Variants in STIM1 observed in about 807,000 individuals in gnomAD.
STIM1 encodes stromal interaction molecule 1.
Under a neutral mutation model 74.7 loss-of-function variants are expected in STIM1, and 25 were observed. The observed-to-expected ratio is 0.33, with a 90% CI of 0.24 to 0.47. The LOEUF (loss-of-function observed/expected upper bound fraction) is 0.47. Among genes scored for constraint, STIM1 ranks in the 20% least tolerant of loss-of-function variants. The pLI, the probability that STIM1 is intolerant of heterozygous loss-of-function variation, is 1.00. For missense variants in STIM1, 728 were observed against 920.8 expected, an observed-to-expected ratio of 0.79 and a Z score of 2.71; for synonymous variants, 328 against 348.8, an observed-to-expected ratio of 0.94 and a Z score of 0.66.
chr11:3,951,993 A>C (rs2093154777), intron 1 of STIM1, among the ~76,000 whole-genome samples: 1 of 152,158 alleles, frequency 6.6e-6, no homozygotes, highest in South Asian at 2.1e-4. Flanking sequence ...AACCTGGGAT[A>C]GCAAATCTTC....
chr11:4,069,580 G>A (rs2094390655), intron 5 of STIM1, among the ~76,000 whole-genome samples: 2 of 152,186 alleles, frequency 1.3e-5, no homozygotes, highest in Admixed American at 6.5e-5. Flanking sequence ...AGCCAGAACT[G>A]AGGCTTCTGG....
At chr11:3,951,792 G>A (rs1303283365) in intron 1 of STIM1, among the ~76,000 whole-genome samples, 1 of 152,180 alleles carries the variant, frequency 6.6e-6, no homozygotes, top group Non-Finnish European at 1.5e-5. Context: ...CATTTGAGGT[G>A]TCTGTAATTA....
At chr11:3,863,287 T>TCA (rs59819943) in intron 1 of STIM1, among the ~76,000 whole-genome samples, 149,115 of 149,822 alleles carry the variant, frequency 1, 74,205 homozygotes, top group East Asian at 1. Flanking sequence ...AGACAGGGTC[T>TCA]CTCTGTCACC....
intron 12 of STIM1, chr11:4,088,827 G>A (rs1236384375): frequency 5.9e-6 from 8 of 1,366,420 alleles, no homozygotes; most frequent in East Asian, 2.5e-5. Flanking sequence ...AGGGAGGGAA[G>A]GTGAGCCTGC....
chr11:3,874,599 C>T lies in STIM1; in HGVS notation c.139+18190C>T, dbSNP rs1317893361. Among the ~76,000 whole-genome samples the T allele has an allele frequency of 2.0e-5, 3 of 152,214 alleles. No individual in the cohort carries two copies. In the East Asian group the frequency reaches 5.8e-4, roughly 29 times the overall value. ...CATGTCCTCTTATCCTTTTAAGCCGCTAAGTTCTCATATCCAGAGAGTCTT... is the reference window on the plus strand; with the variant it reads ...CATGTCCTCTTATCCTTTTAAGCCGTTAAGTTCTCATATCCAGAGAGTCTT... On this transcript the variant is annotated intron_variant, in intron 1 of 12. Transcript: ENST00000526596.
intron 3 of STIM1, among the ~76,000 whole-genome samples, chr11:4,054,129 A>G (rs1404189787): frequency 6.6e-6 from 1 of 152,202 alleles, no homozygotes; most frequent in Non-Finnish European, 1.5e-5. Flanking sequence ...TGGACAGTGC[A>G]GCTCTGAATA....
chr11:3,957,335 C>A (rs1293003265), intron 1 of STIM1, among the ~76,000 whole-genome samples: 1 of 151,984 alleles, frequency 6.6e-6, no homozygotes, highest in Non-Finnish European at 1.5e-5. Flanking sequence ...TGGCTCACTG[C>A]AGCCTCTGCC....
At chr11:3,893,570 T>C (rs1463686446) in intron 1 of STIM1, among the ~76,000 whole-genome samples, 2 of 152,190 alleles carry the variant, frequency 1.3e-5, no homozygotes, top group African/African-American at 4.8e-5. Context: ...TCTACATGTT[T>C]ACTTCCACTT....
At chr11:4,078,215 A>G (rs2133203343) in intron 7 of STIM1, among the ~76,000 whole-genome samples, 1 of 152,346 alleles carries the variant, frequency 6.6e-6, no homozygotes, top group Non-Finnish European at 1.5e-5. Flanking sequence ...ATCAAGCTGC[A>G]TTTGAACTAG....
rs540559412 is a variant in STIM1, at chr11:3,981,975, TTC to T, written c.270+14305_270+14306del. ...TATTAGTTGTTTGACTTTGGAAAGT[TTC>T]TCTCTCTCTCTGTCTCTTTCTTTTC... On this transcript the variant is annotated intron_variant, in intron 2 of 12. Transcript: ENST00000526596. Among the ~76,000 whole-genome samples, 57 of 152,050 alleles carry T rather than the reference TTC, an allele frequency of 3.7e-4. 1 individual carries two copies. In the South Asian group the frequency reaches 0.011, roughly 29 times the overall value.
At chr11:3,938,218 A>G (rs774267240) in intron 1 of STIM1, among the ~76,000 whole-genome samples, 5 of 152,224 alleles carry the variant, frequency 3.3e-5, no homozygotes, top group East Asian at 1.9e-4. Flanking sequence ...GATTACAGGC[A>G]TGAGCCACCG....
At chr11:3,987,036 T>G (rs1229185008) in intron 2 of STIM1, among the ~76,000 whole-genome samples, 2 of 152,286 alleles carry the variant, frequency 1.3e-5, no homozygotes, top group African/African-American at 4.8e-5. Context: ...AGATTAGAAG[T>G]CTCTGGGAAG....
At chr11:4,000,974 G>T (rs1208992479) in intron 2 of STIM1, among the ~76,000 whole-genome samples, 1 of 152,212 alleles carries the variant, frequency 6.6e-6, no homozygotes, top group Non-Finnish European at 1.5e-5. Flanking sequence ...TCAACTGGAA[G>T]AAAGAGTATC....
At chr11:3,974,225 T>C in intron 2 of STIM1, 1 of 432,808 alleles carries the variant, frequency 2.3e-6, no homozygotes, top group Admixed American at 3.5e-5. Context: ...TAAGAGACTC[T>C]GTCTTAGACA....
At chr11:4,032,102 T>C (rs892120988) in intron 3 of STIM1, among the ~76,000 whole-genome samples, 23 of 152,272 alleles carry the variant, frequency 1.5e-4, no homozygotes, top group Admixed American at 1.2e-3. Flanking sequence ...GTGGTCCCAA[T>C]TGTTCTAGAA....
intron 7 of STIM1, among the ~76,000 whole-genome samples, chr11:4,076,793 G>C (rs1464549668): frequency 6.7e-6 from 1 of 148,648 alleles, no homozygotes; most frequent in East Asian, 2.0e-4. Flanking sequence ...TTGGGACATG[G>C]TTATCTAGTA....
intron 4 of STIM1, among the ~76,000 whole-genome samples, chr11:4,058,194 T>G (rs568164422): frequency 6.6e-6 from 1 of 152,330 alleles, no homozygotes; most frequent in East Asian, 1.9e-4. Context: ...TACATAAGTT[T>G]GCACAGTAGG....
rs2094528618 is a variant in STIM1 at position 4,092,147 on chromosome 11, T to A, written c.*349T>A. 8.1e-6 allele frequency: 3 copies of A among 369,504 alleles called. No homozygotes were observed. The highest frequency in any genetic ancestry group is 1.2e-4 in the East Asian group (2 of 16,274). 22.9% of individuals were successfully genotyped at this position (369,504 alleles called of 1,614,324 possible). A position where few individuals can be genotyped will look rare whatever the true frequency, so the allele number is the denominator to read the frequency against. The stretch of plus-strand genomic sequence containing the variant: ...CCCAGTTTTGAGGTTTGGTTTCTTG[T>A]TTCTGTCTCTTGCTTTCGGGCTCCT... On this transcript the variant is annotated 3_prime_UTR_variant, in exon 13 of 13. Coordinates refer to ENST00000526596, the MANE Select transcript of STIM1 (RefSeq NM_001382567.1).
chr11:3,869,229 A>T (rs1021832192), intron 1 of STIM1, among the ~76,000 whole-genome samples: 1 of 152,160 alleles, frequency 6.6e-6, no homozygotes, highest in Non-Finnish European at 1.5e-5. Context: ...TCCACTTCCC[A>T]AAGTGCTAGG....
Sources: allele counts gnomAD v4.1 joint callset (sites outside exome capture counted in the v4.1 genomes callset), GRCh38; gene constraint gnomAD v4.1.1; transcripts MANE v1.5; gene names NCBI Gene and HGNC (gene_info 2026-07-23, HGNC 2026-07-21).